Variants in SNTG2 observed in about 807,000 individuals in gnomAD.
SNTG2 encodes the protein syntrophin gamma 2.
In SNTG2, 74 loss-of-function variants were observed where a neutral mutation model predicts 70.9. The ratio of observed to expected loss-of-function variants is 1.04; its 90% CI spans 0.86 to 1.27. The LOEUF is 1.27. SNTG2 is among the 50% of genes most tolerant of loss of function. SNTG2 has a pLI of 0.00. For missense variants in SNTG2, 717 were observed against 690.7 expected, an observed-to-expected ratio of 1.04 and a Z score of -0.43; for synonymous variants, 278 against 273.8, an observed-to-expected ratio of 1.02 and a Z score of -0.15.
At chr2:1,050,483 A>AT (rs35858389) in intron 1 of SNTG2, among the ~76,000 whole-genome samples, 22,107 of 149,548 alleles carry the variant, frequency 0.15, 2,117 homozygotes, top group African/African-American at 0.27. Context: ...GCATATGTGG[A>AT]TTTTTTTTTT....
intron 4 of SNTG2, among the ~76,000 whole-genome samples, chr2:1,129,361 G>C (rs1487636508): frequency 6.6e-6 from 1 of 152,208 alleles, no homozygotes; most frequent in African/African-American, 2.4e-5. Flanking sequence ...TTTGAACTCA[G>C]TGTCCATTAT....
intron 4 of SNTG2, among the ~76,000 whole-genome samples, chr2:1,106,440 G>A (rs113555777): frequency 1.5e-4 from 7 of 45,372 alleles, no homozygotes; most frequent in Non-Finnish European, 2.6e-4. Context: ...TAATGGACAC[G>A]TGCTGTCACT....
chr2:1,113,158 G>T (rs4971459), intron 4 of SNTG2, among the ~76,000 whole-genome samples: 8,711 of 99,936 alleles, frequency 0.087, 1,908 homozygotes, highest in Middle Eastern at 0.1. Context: ...GAGGATCGTG[G>T]GTACTAAGTG....
At chr2:987,027 C>T (rs1185084131) in intron 1 of SNTG2, among the ~76,000 whole-genome samples, 1 of 152,196 alleles carries the variant, frequency 6.6e-6, no homozygotes, top group South Asian at 2.1e-4. Flanking sequence ...TGCTCATGTC[C>T]TTAGCATGTG....
At chr2:1,326,362 T>C (rs756696688) in intron 16 of SNTG2, among the ~76,000 whole-genome samples, 2 of 152,200 alleles carry the variant, frequency 1.3e-5, no homozygotes, top group Non-Finnish European at 2.9e-5. Context: ...AAAAAGGCAA[T>C]TTTAGATTTT....
chr2:1,251,421 T>C, intron 12 of SNTG2, among the ~76,000 whole-genome samples: 1 of 150,284 alleles, frequency 6.7e-6, no homozygotes, highest in Non-Finnish European at 1.5e-5. Flanking sequence ...CCCACACACA[T>C]GCACACACCA....
At chr2:1,106,181 A>ATGTG (rs1558405145) in intron 4 of SNTG2, among the ~76,000 whole-genome samples, 3 of 56,354 alleles carry the variant, frequency 5.3e-5, no homozygotes, top group Admixed American at 2.1e-4. Flanking sequence ...TAGTGGACAC[A>ATGTG]TGCTGTCACT....
intron 8 of SNTG2, among the ~76,000 whole-genome samples, chr2:1,179,849 G>A (rs968616483): frequency 1.4e-5 from 2 of 143,614 alleles, no homozygotes; most frequent in East Asian, 4.4e-4. Flanking sequence ...AAACAGCATG[G>A]TACTGGTACC....
chr2:998,634 G>A (rs1661771813), intron 1 of SNTG2, among the ~76,000 whole-genome samples: 1 of 151,802 alleles, frequency 6.6e-6, no homozygotes, highest in Admixed American at 6.6e-5. Flanking sequence ...AAAGAGTATG[G>A]GATTATGTAA....
intron 6 of SNTG2, among the ~76,000 whole-genome samples, chr2:1,165,237 G>GTAT (rs1670627368): frequency 6.6e-6 from 1 of 152,200 alleles, no homozygotes; most frequent in African/African-American, 2.4e-5. Flanking sequence ...TTCTCCGAGG[G>GTAT]TATTATTTTC....
chr2:978,148 GA>G (rs1558290117), intron 1 of SNTG2, among the ~76,000 whole-genome samples: 1 of 152,192 alleles, frequency 6.6e-6, no homozygotes, highest in African/African-American at 2.4e-5. Flanking sequence ...GTGAAGGCGA[GA>G]GGGGGCAAAG....
At chr2:1,179,479 G>T (rs2147903708) in intron 8 of SNTG2, among the ~76,000 whole-genome samples, 3 of 152,148 alleles carry the variant, frequency 2.0e-5, no homozygotes, top group Middle Eastern at 6.8e-3. Context: ...GCTTCAAAGA[G>T]AATAAAATAC....
intron 1 of SNTG2, among the ~76,000 whole-genome samples, chr2:1,044,806 G>T (rs916214887): frequency 3.9e-5 from 6 of 152,060 alleles, no homozygotes; most frequent in African/African-American, 1.4e-4. Flanking sequence ...ATTTTGTTGG[G>T]GATTTTTTCA....
At chr2:1,333,463 A>G (rs1414056899) in intron 16 of SNTG2, among the ~76,000 whole-genome samples, 2 of 152,218 alleles carry the variant, frequency 1.3e-5, no homozygotes, top group East Asian at 1.9e-4. Context: ...ATGTGGAACC[A>G]AAAAGGAGCC....
At chr2:1,145,553 T>C (rs1669044730) in intron 6 of SNTG2, among the ~76,000 whole-genome samples, 1 of 152,174 alleles carries the variant, frequency 6.6e-6, no homozygotes, top group South Asian at 2.1e-4. Flanking sequence ...ATGAATTAAA[T>C]CAATAGTTAA....
intron 14 of SNTG2, among the ~76,000 whole-genome samples, chr2:1,304,598 C>T (rs547881593): frequency 2.8e-4 from 42 of 151,978 alleles, no homozygotes; most frequent in African/African-American, 3.9e-4. Context: ...TGGTGGGGGA[C>T]GCCTGTAATC....
chr2:1,255,792 G>GTATA (rs60809596), intron 12 of SNTG2, among the ~76,000 whole-genome samples: 1 of 130,102 alleles, frequency 7.7e-6, no homozygotes, highest in African/African-American at 2.8e-5. Context: ...GTGTGTGTGT[G>GTATA]TATATATATA....
Position 1,071,694 on chromosome 2 carries a change from G to A in SNTG2, c.73-11824G>A, listed in dbSNP as rs569903131. Among the ~76,000 whole-genome samples, 3 of 152,026 alleles carry A rather than the reference G, an allele frequency of 2.0e-5. No homozygotes were observed. The South Asian group carries it at 6.3e-4, about 32-fold the overall frequency. ...GAAGATCAAGCTTAGTGAGGGTGTC[G>A]TGTTGAATGCTTAGATAGGCAGAGA... is the stretch of plus-strand genomic sequence containing the variant. On this transcript the variant is annotated intron_variant, in intron 1 of 16. Coordinates refer to ENST00000308624, the MANE Select transcript of SNTG2 (RefSeq NM_018968.4).
intron 4 of SNTG2, among the ~76,000 whole-genome samples, chr2:1,116,792 GGGTGCCCTGGTTT>G (rs1667022107): frequency 6.7e-6 from 1 of 149,024 alleles, no homozygotes; most frequent in Non-Finnish European, 1.5e-5. Context: ...TCTGGTGTGT[GGGTGCCCTGGTTT>G]ACGGGTTTCC....
Sources: gnomAD v4.1 joint callset for allele counts (sites outside exome capture counted in the v4.1 genomes callset) on GRCh38, gnomAD v4.1.1 for gene constraint, MANE v1.5 for transcripts, NCBI Gene and HGNC (gene_info 2026-07-23, HGNC 2026-07-21) for gene names.